ZNF229: variants seen among roughly 807,000 people sequenced by gnomAD.
ZNF229 encodes the protein zinc finger protein 229.
A neutral mutation model predicts 11.8 loss-of-function variants in ZNF229; 10 were observed. The ratio of observed to expected loss-of-function variants is 0.85; its 90% CI spans 0.52 to 1.44. The LOEUF is 1.44. ZNF229 is among the 40% of genes most tolerant of loss of function. The probability of loss-of-function intolerance (pLI) is 0.00; values close to 1 mark genes in which losing one functional copy is unlikely to be tolerated. For synonymous variants in ZNF229, 368 were observed against 374.8 expected, an observed-to-expected ratio of 0.98 and a Z score of 0.21; for missense variants, 1,045 against 1,015.1, an observed-to-expected ratio of 1.03 and a Z score of -0.40.
chr19:44,429,655 G>A lies in ZNF229; in HGVS notation c.1126C>T (p.Pro376Ser). ...TTCCCACACTCCTCACATTTATAGG[G>A]TCTCCTTCCTGTGTGCACCCCTTGA... ...IHQGVHTGRRPYKCEECGKAF... is the reference protein window; with the variant it reads ...IHQGVHTGRRSYKCEECGKAF... The change falls in exon 6 of 6, where the codon CCC (proline) becomes TCC (serine). Residue 376 changes from proline to serine, a missense_variant. Transcript: ENST00000614049. 1 of 1,614,098 alleles carries A rather than the reference G, an allele frequency of 6.2e-7. No homozygotes were observed. Among genetic ancestry groups the A allele is most frequent in the East Asian group, 2.2e-5 (1 of 44,884 alleles).
intron 4 of ZNF229, among the ~76,000 whole-genome samples, chr19:44,438,131 T>C (rs1971845783): frequency 6.6e-6 from 1 of 152,136 alleles, no homozygotes; most frequent in Non-Finnish European, 1.5e-5. Flanking sequence ...TTTAAAAAAG[T>C]AAAGATTGAG....
rs1480275062 is a variant in ZNF229 at position 44,428,207 on chromosome 19, G to A, written c.*96C>T. The A allele has an allele frequency of 8.9e-6, 12 of 1,344,068 alleles. No homozygotes were observed. The highest frequency in any genetic ancestry group is 2.3e-5 in the Admixed American group (1 of 42,892). 83.3% of individuals were successfully genotyped at this position (1,344,068 alleles called of 1,614,324 possible). The stretch of plus-strand genomic sequence containing the variant: ...TGTAAAATCATCAGTTTCTCCTATA[G>A]CCCTCCTACATGTCACTTTCCTATG... On this transcript the variant is annotated 3_prime_UTR_variant, in exon 6 of 6. Coordinates refer to ENST00000614049, the MANE Select transcript of ZNF229 (RefSeq NM_014518.4).
In ZNF229 at chr19:44,429,694, C is replaced by T. The variant is rs371331901; in HGVS notation, c.1087G>A (p.Val363Ile). ...TGCACCCCTTGATGAATAAGAAGAA[C>T]CGATTTATACCTGAACCCCTTTCCA... ...VCGKGFRYKSVLLIHQGVHTG... is the reference protein window; with the variant it reads ...VCGKGFRYKSILLIHQGVHTG... The change falls in exon 6 of 6, where the codon GTT (valine) becomes ATT (isoleucine). Residue 363 changes from valine to isoleucine, a missense_variant. Coordinates refer to ENST00000614049, the MANE Select transcript of ZNF229 (RefSeq NM_014518.4). 5.0e-6 allele frequency: 8 copies of T among 1,614,024 alleles called. No homozygotes were observed. The highest frequency in any genetic ancestry group is 6.8e-6 in the Non-Finnish European group (8 of 1,180,052).
At position 44,428,134 on chromosome 19, in the gene ZNF229, C is replaced by T; in HGVS notation, c.*169G>A. On this transcript the variant is annotated 3_prime_UTR_variant, in exon 6 of 6. Transcript: ENST00000614049. ...CTGAAGTTTGTAACTGAAGTGCTAACCTATTTATCACACATCCAGGTGTTC... is the reference window on the plus strand; with the variant it reads ...CTGAAGTTTGTAACTGAAGTGCTAATCTATTTATCACACATCCAGGTGTTC... The T allele has an allele frequency of 4.3e-6, 3 of 700,116 alleles. No individual in the cohort carries two copies. The highest frequency in any genetic ancestry group is 6.9e-6 in the Non-Finnish European group (3 of 433,902). The allele number at this position is 700,116 out of a possible 1,614,324, so 43.4% of individuals were successfully genotyped here. A position where few individuals can be genotyped will look rare whatever the true frequency, so the allele number is the denominator to read the frequency against.
intron 2 of ZNF229, among the ~76,000 whole-genome samples, chr19:44,444,970 C>T (rs557735925): frequency 3.0e-4 from 46 of 152,210 alleles, no homozygotes; most frequent in Non-Finnish European, 5.6e-4. Flanking sequence ...AGGCCTTCAA[C>T]ACAATCTACA....
At chr19:44,435,390 T>A (rs756303800) in intron 4 of ZNF229, among the ~76,000 whole-genome samples, 2 of 151,992 alleles carry the variant, frequency 1.3e-5, no homozygotes, top group Non-Finnish European at 2.9e-5. Flanking sequence ...AACACAATCA[T>A]CAAGGGGAAA....
Position 44,430,140 on chromosome 19 carries a change from T to C in ZNF229, c.641A>G (p.Lys214Arg), listed in dbSNP as rs1416616143. 3 of 1,614,140 alleles carry C rather than the reference T, an allele frequency of 1.9e-6. No individual in the cohort carries two copies. Among genetic ancestry groups the C allele is most frequent in the African/African-American group, 1.3e-5 (1 of 75,006 alleles). The change falls in exon 6 of 6, where the codon AAA (lysine) becomes AGA (arginine). Residue 214 changes from lysine (K) to arginine (R), a missense_variant. Coordinates refer to ENST00000614049, the MANE Select transcript of ZNF229 (RefSeq NM_014518.4). ...AAAGCTGTCATCATCCCAGTTACAT[T>C]TATATACTGTGTCTTCTGTGTCGAG... ...KNLDTEDTVY[K>R]CNWDDDSFCW...
At chr19:44,443,988 T>C (rs1248035680) in intron 2 of ZNF229, among the ~76,000 whole-genome samples, 1 of 152,182 alleles carries the variant, frequency 6.6e-6, no homozygotes, top group Non-Finnish European at 1.5e-5. Context: ...TGGTATAAAT[T>C]GCTGGTTACC....
chr19:44,432,411 A>G, intron 4 of ZNF229, 45 bp from the exon 5 acceptor site: 1 of 1,601,102 alleles, frequency 6.2e-7, no homozygotes, highest in Non-Finnish European at 8.5e-7. Context: ...AGATGAAGAC[A>G]AACTGGTGTC....
chr19:44,443,009 C>T lies in ZNF229; in HGVS notation c.-162G>A, dbSNP rs1971943584. 2.6e-6 allele frequency: 2 copies of T among 767,668 alleles called. No homozygotes were observed. Among genetic ancestry groups the T allele is most frequent in the South Asian group, 1.8e-5 (1 of 56,934 alleles). The allele number at this position is 767,668 out of a possible 1,614,324, so 47.6% of individuals were successfully genotyped here. A position where few individuals can be genotyped will look rare whatever the true frequency, so the allele number is the denominator to read the frequency against. ...TTTACTGTCCAGAGCGCGACTGCTTCCCATGGTCAGGGGACCTGTAGGTTC... is the reference window on the plus strand; with the variant it reads ...TTTACTGTCCAGAGCGCGACTGCTTTCCATGGTCAGGGGACCTGTAGGTTC... On this transcript the variant is annotated 5_prime_UTR_variant, in exon 3 of 6. Coordinates refer to ENST00000614049, the MANE Select transcript of ZNF229 (RefSeq NM_014518.4).
rs367718625 is a variant in ZNF229 at position 44,430,083 on chromosome 19, A to C, written c.698T>G (p.Phe233Cys). Residue 233 changes from phenylalanine (F) to cysteine (C), a missense_variant, in exon 6 of 6, where the codon TTC (phenylalanine) becomes TGC (cysteine). Physicochemically the swap from Phe to Cys is radical, Grantham distance 205. Coordinates refer to ENST00000614049, the MANE Select transcript of ZNF229 (RefSeq NM_014518.4). ...ACCACACGGCTTGTCTATTTCAGGGAATCTGTGATCAACATGACAAGATAT... is the reference window on the plus strand; with the variant it reads ...ACCACACGGCTTGTCTATTTCAGGGCATCTGTGATCAACATGACAAGATAT... The part of the protein sequence containing the change: ...CWISCHVDHR[F>C]PEIDKPCGCN... 3.7e-6 allele frequency: 6 copies of C among 1,614,022 alleles called. No individual in the cohort carries two copies. The highest frequency in any genetic ancestry group is 1.3e-5 in the African/African-American group (1 of 74,868).
chr19:44,438,648 G>A (rs1175101323), intron 4 of ZNF229, among the ~76,000 whole-genome samples: 2 of 152,172 alleles, frequency 1.3e-5, no homozygotes, highest in East Asian at 1.9e-4. Context: ...GGAAGGATTA[G>A]AGGATTAGAC....
intron 2 of ZNF229, among the ~76,000 whole-genome samples, chr19:44,446,808 A>C (rs1287943375): frequency 1.3e-5 from 2 of 152,246 alleles, no homozygotes; most frequent in Non-Finnish European, 2.9e-5. Context: ...GCTATGAAGA[A>C]AATAAAGCAA....
In ZNF229 at chr19:44,442,886, G is replaced by C. The variant is rs368391055; in HGVS notation, c.-39C>G. ...AGGTTCTCTGCGAGCAGCAGCAACT[G>C]TATTTATTCTCTGGTTTTCCTAAGC... On this transcript the variant is annotated 5_prime_UTR_variant, in exon 3 of 6. An upstream open reading frame in the 5' UTR gains an earlier in-frame stop. Coordinates refer to ENST00000614049, the MANE Select transcript of ZNF229 (RefSeq NM_014518.4). 1.4e-4 allele frequency: 231 copies of C among 1,609,256 alleles called. No homozygotes were observed. The highest frequency in any genetic ancestry group is 4.9e-4 in the Middle Eastern group (3 of 6,074).
rs1489407841 is a variant in ZNF229 at position 44,428,092 on chromosome 19, C to T, written c.*211G>A. ...TTTCTTTAAAGCCTACTCCGCTGCA[C>T]AACAGACTCTTAAAGACTGAAGTTT... On this transcript the variant is annotated 3_prime_UTR_variant, in exon 6 of 6. Transcript: ENST00000614049. 3.6e-6 allele frequency: 2 copies of T among 552,750 alleles called. No individual in the cohort carries two copies. The highest frequency in any genetic ancestry group is 2.9e-5 in the East Asian group (1 of 34,330). The allele number at this position is 552,750 out of a possible 1,614,324, so 34.2% of individuals were successfully genotyped here. A position where few individuals can be genotyped will look rare whatever the true frequency, so the allele number is the denominator to read the frequency against.
intron 2 of ZNF229, among the ~76,000 whole-genome samples, chr19:44,444,726 T>C (rs983629392): frequency 2.6e-5 from 4 of 152,216 alleles, no homozygotes; most frequent in African/African-American, 9.6e-5. Flanking sequence ...TTTAAACGTT[T>C]CCAGGGGATG....
In ZNF229 at chr19:44,429,088, C is replaced by T; in HGVS notation, c.1693G>A (p.Val565Ile). The T allele has an allele frequency of 6.2e-7, 1 of 1,613,280 alleles. No homozygotes were observed. The highest frequency in any genetic ancestry group is 8.5e-7 in the Non-Finnish European group (1 of 1,179,834). ...TTATAGGGTTTCTCTCCTGTGTGGA[C>T]CCTCTGATGGATGTGGAGGTCGGAG... The part of the protein sequence containing the change: ...RSSDLHIHQR[V>I]HTGEKPYKCS... The change falls in exon 6 of 6, where the codon GTC becomes ATC. Residue 565 changes from valine to isoleucine, a missense_variant. By Grantham distance (29) the Val-to-Ile change is conservative. Transcript: ENST00000614049.
At chr19:44,442,782 T>TGCCCCCCCCCC in intron 3 of ZNF229, 32 bp downstream of exon 3, 1 of 1,545,186 alleles carries the variant, frequency 6.5e-7, no homozygotes, top group Non-Finnish European at 8.9e-7. Context: ...GTTTGGATTC[T>TGCCCCCCCCCC]CCCCCCACCC....
intron 4 of ZNF229, among the ~76,000 whole-genome samples, chr19:44,441,603 G>A (rs940547029): frequency 6.6e-6 from 1 of 151,876 alleles, no homozygotes; most frequent in African/African-American, 2.4e-5. Flanking sequence ...ACAAAAGAAC[G>A]AATGAAACTA....
Sources: gnomAD v4.1 joint callset for allele counts (sites outside exome capture counted in the v4.1 genomes callset) on GRCh38, gnomAD v4.1.1 for gene constraint, MANE v1.5 for transcripts, NCBI Gene and HGNC (gene_info 2026-07-23, HGNC 2026-07-21) for gene names.